AK5: variants seen among roughly 807,000 people sequenced by gnomAD.
The protein encoded by AK5 is adenylate kinase 5, also known as adenylate kinase isoenzyme 5.
Under a neutral mutation model 69.5 loss-of-function variants are expected in AK5, and 27 were observed. That is an observed-to-expected ratio of 0.39 (90% CI 0.29 to 0.54). AK5 has a LOEUF of 0.54. Ranked by LOEUF, AK5 falls within the 20% of genes least tolerant of loss-of-function variation. The pLI, the probability that AK5 is intolerant of heterozygous loss-of-function variation, is 0.71. For synonymous variants in AK5, 260 were observed against 244.4 expected (o/e 1.06, Z -0.60); for missense variants, 531 against 700.4 (o/e 0.76, Z 2.73).
At chr1:77,303,403 C>T (rs143147011) in intron 5 of AK5, among the ~76,000 whole-genome samples, 125 of 152,300 alleles carry the variant, frequency 8.2e-4, no homozygotes, top group African/African-American at 3.0e-3. Flanking sequence ...TAAATCCACA[C>T]AAGTTAACTT....
chr1:77,431,388 C>G (rs560613162), intron 8 of AK5, among the ~76,000 whole-genome samples: 1 of 152,162 alleles, frequency 6.6e-6, no homozygotes, highest in African/African-American at 2.4e-5. Flanking sequence ...AGGCGCTATA[C>G]TGAGTGTTGT....
chr1:77,536,153 G>A, intron 13 of AK5, 115 bp downstream of exon 13: 1 of 1,199,212 alleles, frequency 8.3e-7, no homozygotes, highest in South Asian at 1.6e-5. Flanking sequence ...TTAGAACTCT[G>A]TGCAGCTGCA....
intron 10 of AK5, among the ~76,000 whole-genome samples, chr1:77,515,912 G>A (rs779597049): frequency 1.3e-5 from 2 of 152,062 alleles, no homozygotes; most frequent in Non-Finnish European, 2.9e-5. Context: ...AATTAGCTGG[G>A]TGTGGTGATG....
chr1:77,513,573 C>T (rs968678127), intron 10 of AK5, among the ~76,000 whole-genome samples: 1 of 152,238 alleles, frequency 6.6e-6, no homozygotes, highest in Non-Finnish European at 1.5e-5. Context: ...GGCCCAGTGA[C>T]TCACACCTGT....
chr1:77,545,280 T>G (rs1570345920), intron 13 of AK5, among the ~76,000 whole-genome samples: 1 of 152,164 alleles, frequency 6.6e-6, no homozygotes, highest in East Asian at 1.9e-4. Flanking sequence ...AGCCCCTCAT[T>G]CTTTCTCTCT....
chr1:77,464,610 C>T (rs559623367), intron 8 of AK5, among the ~76,000 whole-genome samples: 6 of 152,156 alleles, frequency 3.9e-5, no homozygotes, highest in Admixed American at 3.9e-4. Flanking sequence ...GAGGGACAGC[C>T]GGGAGGATGT....
intron 11 of AK5, among the ~76,000 whole-genome samples, chr1:77,520,518 C>T (rs1657921855): frequency 6.6e-6 from 1 of 152,194 alleles, no homozygotes; most frequent in South Asian, 2.1e-4. Context: ...CTCCTTGTTC[C>T]TCCCACAAGT....
intron 6 of AK5, among the ~76,000 whole-genome samples, chr1:77,380,116 G>A (rs556147745): frequency 9.9e-5 from 15 of 152,278 alleles, no homozygotes; most frequent in South Asian, 6.2e-4. Flanking sequence ...GCAAAGACAC[G>A]AGAGTGCAAT....
intron 10 of AK5, among the ~76,000 whole-genome samples, chr1:77,502,600 G>T (rs544756014): frequency 8.5e-5 from 13 of 152,260 alleles, no homozygotes; most frequent in Non-Finnish European, 1.8e-4. Context: ...GAAAATCCAG[G>T]AAAAGTGGAT....
chr1:77,555,934 G>C (rs1244765695), intron 13 of AK5, among the ~76,000 whole-genome samples: 1 of 152,236 alleles, frequency 6.6e-6, no homozygotes, highest in Non-Finnish European at 1.5e-5. Context: ...AATAAGCAAG[G>C]TGCTGTGGGG....
At chr1:77,499,638 T>TG (rs1475605729) in intron 10 of AK5, among the ~76,000 whole-genome samples, 1 of 152,128 alleles carries the variant, frequency 6.6e-6, no homozygotes, top group African/African-American at 2.4e-5. Context: ...ATGGTCTGGG[T>TG]GGAGCTGTTG....
intron 5 of AK5, among the ~76,000 whole-genome samples, chr1:77,334,954 TTGTC>T (rs1484324620): frequency 1.3e-5 from 2 of 152,216 alleles, no homozygotes; most frequent in African/African-American, 2.4e-5. Flanking sequence ...CAAAGTCCAG[TTGTC>T]TGTCTTTTTT....
chr1:77,287,977 T>C (rs1570314269), intron 2 of AK5, among the ~76,000 whole-genome samples: 1 of 111,594 alleles, frequency 9.0e-6, no homozygotes, highest in Non-Finnish European at 2.3e-5. Flanking sequence ...GACTCAAATA[T>C]AGAGGTACAG....
chr1:77,311,636 G>A (rs759932837), intron 5 of AK5, among the ~76,000 whole-genome samples: 40 of 151,900 alleles, frequency 2.6e-4, no homozygotes, highest in Non-Finnish European at 4.6e-4. Flanking sequence ...GATTTATAAG[G>A]AGAAGAGCCA....
chr1:77,524,402 C>T (rs1658162109), intron 12 of AK5, among the ~76,000 whole-genome samples: 1 of 152,208 alleles, frequency 6.6e-6, no homozygotes, highest in Non-Finnish European at 1.5e-5. Context: ...GGCCACACCA[C>T]TTTACATTCC....
chr1:77,538,675 A>G (rs184348546), intron 13 of AK5, among the ~76,000 whole-genome samples: 151 of 152,326 alleles, frequency 9.9e-4, no homozygotes, highest in African/African-American at 3.4e-3. Flanking sequence ...ATTAAAAAAA[A>G]GAAAGGTATT....
At chr1:77,301,232 C>G (rs1659326567) in intron 5 of AK5, among the ~76,000 whole-genome samples, 2 of 152,150 alleles carry the variant, frequency 1.3e-5, no homozygotes, top group South Asian at 4.1e-4. Context: ...GGTTTTTCTG[C>G]CATCTCCTAG....
At chr1:77,473,040 A>G (rs1031453531) in intron 8 of AK5, among the ~76,000 whole-genome samples, 1 of 152,100 alleles carries the variant, frequency 6.6e-6, no homozygotes, top group Non-Finnish European at 1.5e-5. Context: ...ACATCTGCAA[A>G]ATCCCTTTGG....
intron 10 of AK5, among the ~76,000 whole-genome samples, chr1:77,500,254 A>G (rs1656631760): frequency 6.6e-6 from 1 of 152,190 alleles, no homozygotes; most frequent in Non-Finnish European, 1.5e-5. Flanking sequence ...CAAAATAAAT[A>G]AAACCAAAAA....
Sources: gnomAD v4.1 joint callset for allele counts (sites outside exome capture counted in the v4.1 genomes callset) on GRCh38, gnomAD v4.1.1 for gene constraint, MANE v1.5 for transcripts, NCBI Gene and HGNC (gene_info 2026-07-23, HGNC 2026-07-21) for gene names.